EMCN: variants seen among roughly 807,000 people sequenced by gnomAD.
EMCN encodes MUC-14.
A neutral mutation model predicts 38.4 loss-of-function variants in EMCN; 37 were observed. The ratio of observed to expected loss-of-function variants is 0.96; its 90% CI spans 0.74 to 1.27. EMCN has a LOEUF of 1.27. EMCN is among the 50% of genes most tolerant of loss of function. EMCN has a pLI of 0.00. For missense variants in EMCN, 318 were observed against 302.8 expected, an observed-to-expected ratio of 1.05 and a Z score of -0.37; for synonymous variants, 95 against 100.8, an observed-to-expected ratio of 0.94 and a Z score of 0.35.
At chr4:100,421,240 C>T (rs369807365) in intron 8 of EMCN, 42 bp downstream of exon 8, 4 of 1,505,674 alleles carry the variant, frequency 2.7e-6, no homozygotes, top group Non-Finnish European at 2.8e-6. Flanking sequence ...ACTGAGCATT[C>T]ATTCTTCTTT....
intron 10 of EMCN, among the ~76,000 whole-genome samples, chr4:100,414,709 A>G (rs943848169): frequency 6.6e-6 from 1 of 152,102 alleles, no homozygotes; most frequent in Non-Finnish European, 1.5e-5. Flanking sequence ...GAATTTATAC[A>G]TGAAATTGAG....
intron 1 of EMCN, among the ~76,000 whole-genome samples, chr4:100,502,426 T>A (rs954322223): frequency 1.1e-4 from 17 of 152,196 alleles, no homozygotes; most frequent in African/African-American, 4.1e-4. Context: ...AAAAAATGAT[T>A]TGGGGGCTGC....
At chr4:100,457,112 A>C (rs1369150929) in intron 4 of EMCN, among the ~76,000 whole-genome samples, 2 of 151,584 alleles carry the variant, frequency 1.3e-5, no homozygotes, top group Admixed American at 1.3e-4. Flanking sequence ...ATATAGATGT[A>C]TTTATTTCAG....
chr4:100,505,186 G>T (rs28657462), intron 1 of EMCN, among the ~76,000 whole-genome samples: 94 of 152,200 alleles, frequency 6.2e-4, no homozygotes, highest in South Asian at 3.7e-3. Flanking sequence ...TATCAGTGCA[G>T]CCTGGCATTC....
intron 11 of EMCN, among the ~76,000 whole-genome samples, chr4:100,399,982 T>C (rs1353443521): frequency 6.6e-6 from 1 of 152,178 alleles, no homozygotes; most frequent in Non-Finnish European, 1.5e-5. Flanking sequence ...ACTTTTGATG[T>C]CATTAGTGAA....
chr4:100,484,669 A>T (rs1728894949), intron 1 of EMCN, among the ~76,000 whole-genome samples: 1 of 152,146 alleles, frequency 6.6e-6, no homozygotes, highest in Non-Finnish European at 1.5e-5. Context: ...GTAGAAATCC[A>T]CTACTAAAGA....
chr4:100,503,432 A>G (rs1729400965), intron 1 of EMCN, among the ~76,000 whole-genome samples: 1 of 151,948 alleles, frequency 6.6e-6, no homozygotes, highest in Non-Finnish European at 1.5e-5. Flanking sequence ...TTCCTTTTTC[A>G]TTTCTATTCA....
chr4:100,479,808 T>TATA (rs1489987704), intron 2 of EMCN, 109 bp downstream of exon 2: 56 of 943,742 alleles, frequency 5.9e-5, no homozygotes, highest in Non-Finnish European at 7.4e-5. Context: ...CACTGACCTT[T>TATA]ATAACAATCA....
At position 100,517,995 on chromosome 4, in the gene EMCN, T is replaced by C. The variant is rs761173005; in HGVS notation, c.-81A>G. ...CCCTCCCAGCCTGGCAGGGCCTTAT[T>C]AGCAAATGGAAAAGGTGTAGTGAAT... On this transcript the variant is annotated 5_prime_UTR_variant, in exon 1 of 12. Coordinates refer to ENST00000296420, the MANE Select transcript of EMCN (RefSeq NM_016242.4). 1 of 1,367,148 alleles carries C rather than the reference T, an allele frequency of 7.3e-7. No homozygotes were observed. The highest frequency in any genetic ancestry group is 1.0e-6 in the Non-Finnish European group (1 of 956,238). The allele number at this position is 1,367,148 out of a possible 1,614,324, so 84.7% of individuals were successfully genotyped here.
intron 1 of EMCN, among the ~76,000 whole-genome samples, chr4:100,481,138 C>T (rs1422103397): frequency 6.6e-6 from 1 of 151,876 alleles, no homozygotes; most frequent in Admixed American, 6.6e-5. Context: ...GTATATATAC[C>T]ATGTTAGTTA....
At position 100,517,974 on chromosome 4, in the gene EMCN, C is replaced by T. The variant is rs950386450; in HGVS notation, c.-60G>A. 3.3e-6 allele frequency: 5 copies of T among 1,536,352 alleles called. No homozygotes were observed. In the African/African-American group the frequency reaches 6.8e-5, roughly 21 times the overall value. On this transcript the variant is annotated 5_prime_UTR_variant, in exon 1 of 12. Coordinates refer to ENST00000296420, the MANE Select transcript of EMCN (RefSeq NM_016242.4). ...CAGAAGCAGGCAGGGACAATTCCCT[C>T]CCAGCCTGGCAGGGCCTTATTAGCA... is the stretch of plus-strand genomic sequence containing the variant.
chr4:100,512,178 G>A (rs11935753), intron 1 of EMCN, among the ~76,000 whole-genome samples: 29,070 of 152,152 alleles, frequency 0.19, 3,046 homozygotes, highest in Middle Eastern at 0.31. Flanking sequence ...GGAATCTAAT[G>A]CTCATACGGT....
At chr4:100,448,826 C>T (rs13143460) in intron 4 of EMCN, among the ~76,000 whole-genome samples, 67,007 of 138,348 alleles carry the variant, frequency 0.48, 17,193 homozygotes, top group Non-Finnish European at 0.55. Flanking sequence ...CTTCCTTCCT[C>T]CCTCCCTCCC....
intron 5 of EMCN, among the ~76,000 whole-genome samples, chr4:100,441,856 C>T (rs1044200537): frequency 6.6e-6 from 1 of 152,024 alleles, no homozygotes; most frequent in Admixed American, 6.6e-5. Flanking sequence ...ACTTGTTATA[C>T]GTTTAGTTAT....
intron 3 of EMCN, among the ~76,000 whole-genome samples, chr4:100,467,555 G>A (rs946628698): frequency 1.3e-5 from 2 of 151,666 alleles, no homozygotes; most frequent in African/African-American, 2.4e-5. Context: ...GGTGGTGGGC[G>A]CCTGTAGTCC....
intron 1 of EMCN, among the ~76,000 whole-genome samples, chr4:100,510,025 G>A (rs1358956767): frequency 6.6e-6 from 1 of 152,014 alleles, no homozygotes. Context: ...GCAGAAACTG[G>A]GATTAAGAAA....
intron 1 of EMCN, among the ~76,000 whole-genome samples, chr4:100,512,408 C>G (rs1375888197): frequency 2.0e-5 from 3 of 152,116 alleles, no homozygotes; most frequent in Non-Finnish European, 4.4e-5. Context: ...AGAGCTGCTT[C>G]TATCAGTCAA....
At chr4:100,517,481 C>T (rs748939889) in intron 1 of EMCN, among the ~76,000 whole-genome samples, 6 of 152,100 alleles carry the variant, frequency 3.9e-5, no homozygotes, top group Non-Finnish European at 7.4e-5. Context: ...TTCACCCACA[C>T]ATGCCAATCT....
chr4:100,468,963 C>A (rs1421802859), intron 3 of EMCN, among the ~76,000 whole-genome samples: 1 of 152,004 alleles, frequency 6.6e-6, no homozygotes, highest in Non-Finnish European at 1.5e-5. Context: ...AGGCATCACA[C>A]TTCCTAATTA....
Sources: gnomAD v4.1 joint callset for allele counts (sites outside exome capture counted in the v4.1 genomes callset) on GRCh38, gnomAD v4.1.1 for gene constraint, MANE v1.5 for transcripts, NCBI Gene and HGNC (gene_info 2026-07-23, HGNC 2026-07-21) for gene names.